Variants in LAS1L observed in about 807,000 individuals in gnomAD.
LAS1L encodes the protein ribosomal biogenesis protein LAS1L.
LAS1L carries 5 observed loss-of-function variants against 57.3 expected under a neutral mutation model. The observed-to-expected ratio is 0.09, with a 90% CI of 0.05 to 0.18. The LOEUF (loss-of-function observed/expected upper bound fraction) is 0.18, where lower values mean the gene tolerates loss of function less well. LAS1L is among the 10% of genes least tolerant of loss of function. The probability of loss-of-function intolerance (pLI) is 1.00; values close to 1 mark genes in which losing one functional copy is unlikely to be tolerated. For missense variants in LAS1L, 360 were observed against 568.3 expected (o/e 0.63, Z 3.73); for synonymous variants, 245 against 231.7 (o/e 1.06, Z -0.52).
intron 9 of LAS1L, 21 bp from the exon 10 acceptor site, chrX:65,524,283 A>C: frequency 8.8e-7 from 1 of 1,142,750 alleles, no homozygotes; most frequent in Non-Finnish European, 1.2e-6. Context: ...AGGGACACCC[A>C]TTTGGGGGGG....
At chrX:65,530,546 T>C (rs1443762161) in intron 4 of LAS1L, among the ~76,000 whole-genome samples, 1 of 110,060 alleles carries the variant, frequency 9.1e-6, no homozygotes, top group Admixed American at 9.7e-5. Context: ...CAGTGGCTCA[T>C]GCCTGTAATC....
intron 6 of LAS1L, 80 bp downstream of exon 6, chrX:65,529,132 G>A (rs2069333462): frequency 1.2e-6 from 1 of 830,786 alleles, no homozygotes. Flanking sequence ...TCCTTCTCAA[G>A]ACTTCTCTCA....
At chrX:65,520,157 C>T (rs949741387) in intron 11 of LAS1L, among the ~76,000 whole-genome samples, 1 of 111,674 alleles carries the variant, frequency 9.0e-6, no homozygotes, top group African/African-American at 3.3e-5. Flanking sequence ...CCCCCTTCCT[C>T]GAGTATGTCT....
chrX:65,528,233 G>A (rs1183851204), intron 7 of LAS1L, 27 bp downstream of exon 7: 4 of 970,026 alleles, frequency 4.1e-6, no homozygotes, highest in Admixed American at 2.4e-5. Context: ...TAGAGAATAC[G>A]CAGCTCCCGG....
rs199732016 is a variant in LAS1L at position 65,512,784 on chromosome X, C to G, written c.2196G>C (p.Gln732His). ...GCACCAGGGATGGCCATCAGAAGAG[C>G]TGCAGGCCAGTTTTGAGCCCATGCA... ...GQLHGLKTGL[Q>H]LF The change falls in exon 14 of 14, where the codon CAG becomes CAC. Residue 732 changes from glutamine to histidine, a missense_variant. Gln to His is a conservative substitution (Grantham distance 24). Around this residue, in one of 7 missense-constraint regions of LAS1L, gnomAD observed 123 missense variants for 168.3 expected, o/e 0.73. Coordinates refer to ENST00000374811, the MANE Select transcript of LAS1L (RefSeq NM_031206.7). 8.6e-7 allele frequency: 1 copy of G among 1,166,761 alleles called. No homozygotes were observed. The highest frequency in any genetic ancestry group is 3.2e-5 in the East Asian group (1 of 30,835).
rs2068710720 is a variant in LAS1L, at chrX:65,517,927, G to A, written c.1927+60C>T. ...TTTCCATCTCTTCCTAGGGTAGAAG[G>A]AAGCCTCAAGAGCCAGCCAAAGAGA... is the stretch of plus-strand genomic sequence containing the variant. On this transcript the variant is annotated intron_variant, in intron 12 of 13. Transcript: ENST00000374811. 10 of 1,134,162 alleles carry A rather than the reference G, an allele frequency of 8.8e-6. No homozygotes were observed. The South Asian group carries it at 2.2e-4, about 25-fold the overall frequency. 93.5% of individuals were successfully genotyped at this position (1,134,162 alleles called of 1,213,427 possible). A position where few individuals can be genotyped will look rare whatever the true frequency, so the allele number is the denominator to read the frequency against.
chrX:65,518,228 A>G lies in LAS1L; in HGVS notation c.1686T>C (p.Asn562=). 1 of 1,211,315 alleles carries G rather than the reference A, an allele frequency of 8.3e-7. No homozygotes were observed. The highest frequency in any genetic ancestry group is 3.0e-5 in the East Asian group (1 of 33,817). The change falls in exon 12 of 14, where the codon AAT becomes AAC. Residue 562 remains asparagine (N), a synonymous_variant. Transcript: ENST00000374811. ...CCTCCTTCTCCTCTTCCTTGACATC[A>G]TTAACACTGCCCTGCTCCTCCTGTT... is the stretch of plus-strand genomic sequence containing the variant. The part of the protein sequence containing the change: ...AQQQEEQGSV[N]DVKEEEKEEK...
At chrX:65,525,686 G>A (rs1275899352) in intron 7 of LAS1L, among the ~76,000 whole-genome samples, 2 of 99,864 alleles carry the variant, frequency 2.0e-5, no homozygotes, top group Non-Finnish European at 3.9e-5. Context: ...TTATTGGAAC[G>A]CTAAGCTTGT....
chrX:65,523,985 A>G, intron 10 of LAS1L, 71 bp downstream of exon 10: 1 of 1,010,496 alleles, frequency 9.9e-7, no homozygotes, highest in Non-Finnish European at 1.4e-6. Context: ...CTTAGCAGAG[A>G]GCTGAGGACA....
chrX:65,517,254 T>C (rs754229200), intron 12 of LAS1L, among the ~76,000 whole-genome samples: 3 of 105,053 alleles, frequency 2.9e-5, no homozygotes, highest in African/African-American at 7.0e-5. Context: ...TTCTTTCTTT[T>C]TTTTTTTTTT....
At position 65,518,018 on chromosome X, in the gene LAS1L, A is replaced by G; in HGVS notation, c.1896T>C (p.Ala632=). The change falls in exon 12 of 14, where the codon GCT becomes GCC. Residue 632 remains alanine (A), a synonymous_variant. Coordinates refer to ENST00000374811, the MANE Select transcript of LAS1L (RefSeq NM_031206.7). ...NARLLAQKRG[A]LQGSAWQVSS... The stretch of plus-strand genomic sequence containing the variant: ...TAACCTGCCATGCAGAGCCCTGCAA[A>G]GCTCCTCTTTTCTGGGCCAGAAGCC... 8.3e-7 allele frequency: 1 copy of G among 1,209,413 alleles called. No individual in the cohort carries two copies. Among genetic ancestry groups the G allele is most frequent in the South Asian group, 1.8e-5 (1 of 56,459 alleles).
At chrX:65,531,300 C>A (rs2069478727) in intron 4 of LAS1L, 57 bp downstream of exon 4, 6 of 927,735 alleles carry the variant, frequency 6.5e-6, no homozygotes, top group Middle Eastern at 5.4e-4. Context: ...ACCCTCAGCG[C>A]CACCAAGCCC....
chrX:65,514,699 C>T, intron 13 of LAS1L, 124 bp downstream of exon 13: 2 of 652,657 alleles, frequency 3.1e-6, no homozygotes, highest in Non-Finnish European at 4.5e-6. Context: ...CTGGGGCTTA[C>T]ACTTCACTCA....
intron 11 of LAS1L, chrX:65,521,359 T>C (rs988748132): frequency 4.0e-5 from 26 of 647,634 alleles, no homozygotes; most frequent in Non-Finnish European, 4.6e-5. Context: ...GTGCCTAGAC[T>C]TGTGTGGTGT....
chrX:65,530,472 A>G (rs1184075720), intron 4 of LAS1L, among the ~76,000 whole-genome samples: 1 of 110,666 alleles, frequency 9.0e-6, no homozygotes, highest in Non-Finnish European at 1.9e-5. Context: ...TGAGGTCAGG[A>G]GTTTGAGACC....
chrX:65,534,728 A>T lies in LAS1L; in HGVS notation c.-13T>A. 2 of 1,135,580 alleles carry T rather than the reference A, an allele frequency of 1.8e-6. No individual in the cohort carries two copies. The highest frequency in any genetic ancestry group is 2.4e-6 in the Non-Finnish European group (2 of 844,912). The allele number at this position is 1,135,580 out of a possible 1,213,427, so 93.6% of individuals were successfully genotyped here. On this transcript the variant is annotated 5_prime_UTR_variant, in exon 1 of 14. Transcript: ENST00000374811. Reference sequence around the variant, plus strand: ...ATTCCCACGACATACTGAGCTCAACAACAGGCTCTGTGCCGCGCCGCTCCG... The same window carrying T: ...ATTCCCACGACATACTGAGCTCAACTACAGGCTCTGTGCCGCGCCGCTCCG...
chrX:65,515,374 G>A (rs997811502), intron 12 of LAS1L, among the ~76,000 whole-genome samples: 1 of 110,424 alleles, frequency 9.1e-6, no homozygotes, highest in African/African-American at 3.3e-5. Flanking sequence ...ACATCATGGA[G>A]GGTCTGGATG....
At chrX:65,519,962 G>C (rs2068784639) in intron 11 of LAS1L, among the ~76,000 whole-genome samples, 1 of 111,843 alleles carries the variant, frequency 8.9e-6, no homozygotes, top group South Asian at 3.8e-4. Flanking sequence ...GCTCTAATCA[G>C]ATGAAAAGCC....
chrX:65,527,553 C>T (rs1285820977), intron 7 of LAS1L, among the ~76,000 whole-genome samples: 1 of 102,499 alleles, frequency 9.8e-6, no homozygotes, highest in Non-Finnish European at 2.0e-5. Context: ...AGAGAAAAGG[C>T]CAGGCACAGT....
Sources: gnomAD v4.1 joint callset for allele counts (sites outside exome capture counted in the v4.1 genomes callset) on GRCh38, gnomAD v4.1.1 for gene constraint, gnomAD v4.1.1 regional missense constraint, MANE v1.5 for transcripts, NCBI Gene and HGNC (gene_info 2026-07-23, HGNC 2026-07-21) for gene names.